SPOCK1: variants seen among roughly 807,000 people sequenced by gnomAD.
The protein encoded by SPOCK1 is testican-1.
A neutral mutation model predicts 55.3 loss-of-function variants in SPOCK1; 23 were observed. That is an observed-to-expected ratio of 0.42 (90% CI 0.30 to 0.59). The LOEUF (loss-of-function observed/expected upper bound fraction) is 0.59. Ranked by LOEUF, SPOCK1 falls within the 20% of genes least tolerant of loss-of-function variation. SPOCK1 has a pLI of 0.22. For missense variants in SPOCK1, 499 were observed against 552.5 expected (o/e 0.90, Z 0.97); for synonymous variants, 226 against 221.0 (o/e 1.02, Z -0.20).
chr5:137,142,281 C>T (rs957454023), intron 3 of SPOCK1, among the ~76,000 whole-genome samples: 26 of 152,360 alleles, frequency 1.7e-4, no homozygotes, highest in East Asian at 1.5e-3. Flanking sequence ...GCCATCCTGA[C>T]TCCTCAGCAT....
intron 4 of SPOCK1, among the ~76,000 whole-genome samples, chr5:137,134,936 A>G (rs1198861662): frequency 6.6e-6 from 1 of 152,242 alleles, no homozygotes; most frequent in African/African-American, 2.4e-5. Flanking sequence ...TACTGTATCG[A>G]GAGCCTCGAC....
intron 2 of SPOCK1, among the ~76,000 whole-genome samples, chr5:137,382,909 C>G (rs1038117409): frequency 1.3e-5 from 2 of 152,150 alleles, no homozygotes. Context: ...GTTGCTGGGC[C>G]AGGACTGGTT....
intron 6 of SPOCK1, among the ~76,000 whole-genome samples, chr5:137,064,666 G>T (rs1019570018): frequency 6.7e-6 from 1 of 149,628 alleles, no homozygotes; most frequent in Admixed American, 6.6e-5. Flanking sequence ...TTTCACCTCT[G>T]ACCTCTCCCT....
At chr5:137,121,593 TATATA>T (rs941129182) in intron 4 of SPOCK1, among the ~76,000 whole-genome samples, 5 of 147,382 alleles carry the variant, frequency 3.4e-5, no homozygotes, top group African/African-American at 1.2e-4. Context: ...TTATATATTA[TATATA>T]ATATATTCTA....
intron 2 of SPOCK1, among the ~76,000 whole-genome samples, chr5:137,359,859 TG>T (rs1379503297): frequency 1.3e-5 from 2 of 152,222 alleles, no homozygotes; most frequent in Non-Finnish European, 2.9e-5. Flanking sequence ...CACATCTATG[TG>T]GGTTACCTAT....
chr5:137,462,680 T>C (rs780205802), intron 2 of SPOCK1, among the ~76,000 whole-genome samples: 3 of 152,210 alleles, frequency 2.0e-5, no homozygotes, highest in Non-Finnish European at 4.4e-5. Flanking sequence ...GTCTAGCATA[T>C]TAAGCAGGGG....
intron 4 of SPOCK1, among the ~76,000 whole-genome samples, chr5:137,118,909 G>A (rs903681107): frequency 2.0e-5 from 3 of 152,224 alleles, no homozygotes; most frequent in African/African-American, 7.2e-5. Flanking sequence ...AGCAGCAGCA[G>A]TCAACTTGTT....
At chr5:137,157,528 G>A (rs1286554966) in intron 3 of SPOCK1, among the ~76,000 whole-genome samples, 1 of 152,180 alleles carries the variant, frequency 6.6e-6, no homozygotes, top group East Asian at 1.9e-4. Flanking sequence ...CCCAGAGCAA[G>A]AAAGGGACCT....
intron 3 of SPOCK1, among the ~76,000 whole-genome samples, chr5:137,239,600 T>C (rs548007810): frequency 8.8e-4 from 134 of 152,130 alleles, no homozygotes; most frequent in Non-Finnish European, 1.7e-3. Context: ...TCCAAGTGGA[T>C]AGTGTCAGAA....
At chr5:137,182,859 T>G (rs1754994785) in intron 3 of SPOCK1, among the ~76,000 whole-genome samples, 1 of 152,202 alleles carries the variant, frequency 6.6e-6, no homozygotes, top group Non-Finnish European at 1.5e-5. Context: ...CCCGCAGCTC[T>G]GGCCACCTGC....
chr5:136,978,069 A>C lies in SPOCK1; in HGVS notation c.*585T>G. ...TTAATAAAATGAATTCCCCAAAGGGAGTCTTGACTGAATTAAGGCTGTTGT... is the reference window on the plus strand; with the variant it reads ...TTAATAAAATGAATTCCCCAAAGGGCGTCTTGACTGAATTAAGGCTGTTGT... On this transcript the variant is annotated 3_prime_UTR_variant, in exon 11 of 11. Coordinates refer to ENST00000394945, the MANE Select transcript of SPOCK1 (RefSeq NM_004598.4). 1 of 397,766 alleles carries C rather than the reference A, an allele frequency of 2.5e-6. No homozygotes were observed. Among genetic ancestry groups the C allele is most frequent in the Non-Finnish European group, 4.4e-6 (1 of 225,792 alleles). 24.6% of individuals were successfully genotyped at this position (397,766 alleles called of 1,614,324 possible).
intron 2 of SPOCK1, among the ~76,000 whole-genome samples, chr5:137,331,996 C>T (rs1021303439): frequency 6.6e-5 from 10 of 152,152 alleles, no homozygotes; most frequent in Non-Finnish European, 1.3e-4. Context: ...CAGATCACAT[C>T]GCTCCCCCAC....
intron 3 of SPOCK1, among the ~76,000 whole-genome samples, chr5:137,151,796 C>T (rs968247790): frequency 2.0e-5 from 3 of 152,182 alleles, no homozygotes; most frequent in Admixed American, 6.5e-5. Flanking sequence ...AAGTGCCAAG[C>T]ACTGGGTGAG....
intron 6 of SPOCK1, among the ~76,000 whole-genome samples, chr5:137,044,816 C>CCAGA (rs1554094635): frequency 7.2e-6 from 1 of 139,662 alleles, no homozygotes; most frequent in Non-Finnish European, 1.5e-5. Flanking sequence ...ACCACAGTCC[C>CCAGA]CAGAGTGTGA....
intron 6 of SPOCK1, among the ~76,000 whole-genome samples, chr5:136,999,820 ACC>A (rs1751114547): frequency 6.6e-6 from 1 of 152,152 alleles, no homozygotes; most frequent in East Asian, 1.9e-4. Context: ...ACATTTGAAC[ACC>A]CAATTGGGGA....
chr5:137,064,113 A>T (rs1380296798), intron 6 of SPOCK1, among the ~76,000 whole-genome samples: 1 of 152,176 alleles, frequency 6.6e-6, no homozygotes, highest in Non-Finnish European at 1.5e-5. Flanking sequence ...AGTGAGAATG[A>T]ACACCACTGG....
intron 2 of SPOCK1, among the ~76,000 whole-genome samples, chr5:137,447,069 A>G (rs890469419): frequency 6.6e-6 from 1 of 152,208 alleles, no homozygotes; most frequent in Non-Finnish European, 1.5e-5. Context: ...GCACTCTTGG[A>G]TTGTTTCCAC....
At chr5:137,126,011 T>A (rs1339779566) in intron 4 of SPOCK1, among the ~76,000 whole-genome samples, 1 of 152,202 alleles carries the variant, frequency 6.6e-6, no homozygotes, top group African/African-American at 2.4e-5. Flanking sequence ...ATAGTTGGAA[T>A]ATCTGTCCCC....
chr5:137,360,091 C>A lies in SPOCK1; in HGVS notation c.187-93036G>T, dbSNP rs142682117. On this transcript the variant is annotated intron_variant, in intron 2 of 10. Coordinates refer to ENST00000394945, the MANE Select transcript of SPOCK1 (RefSeq NM_004598.4). ...CCATTAGTCTCTTGTTGCAGATGCACAAGTCTAAGCCCAGGTCAGCTGTCA... is the reference window on the plus strand; with the variant it reads ...CCATTAGTCTCTTGTTGCAGATGCAAAAGTCTAAGCCCAGGTCAGCTGTCA... 2.3e-3 allele frequency among the ~76,000 whole-genome samples: 347 copies of A among 152,340 alleles called. 2 individuals carry two copies. The highest frequency in any genetic ancestry group is 7.5e-3 in the African/African-American group (311 of 41,572).
Sources: gnomAD v4.1 joint callset for allele counts (sites outside exome capture counted in the v4.1 genomes callset) on GRCh38, gnomAD v4.1.1 for gene constraint, MANE v1.5 for transcripts, NCBI Gene and HGNC (gene_info 2026-07-23, HGNC 2026-07-21) for gene names.